Variants in LRP1B observed in about 807,000 individuals in gnomAD.
LRP1B encodes low-density lipoprotein receptor-related protein 1B.
LRP1B carries 217 observed loss-of-function variants against 556.6 expected under a neutral mutation model. That is an observed-to-expected ratio of 0.39 (90% CI 0.35 to 0.44). The LOEUF (loss-of-function observed/expected upper bound fraction) is 0.44, where lower values mean the gene tolerates loss of function less well. LRP1B is among the 20% of genes least tolerant of loss of function. The probability of loss-of-function intolerance (pLI) is 1.00; values close to 1 mark genes in which losing one functional copy is unlikely to be tolerated. For synonymous variants in LRP1B, 2,047 were observed against 1,865.8 expected (o/e 1.10, Z -2.50); for missense variants, 5,053 against 5,620.8 (o/e 0.90, Z 3.23).
intron 6 of LRP1B, among the ~76,000 whole-genome samples, chr2:141,203,146 A>G (rs1262582416): frequency 2.6e-5 from 4 of 152,192 alleles, no homozygotes; most frequent in African/African-American, 4.8e-5. Flanking sequence ...GAGGAAAACA[A>G]CTAGATAGCA....
intron 2 of LRP1B, among the ~76,000 whole-genome samples, chr2:141,614,792 A>C (rs1336614287): frequency 6.6e-6 from 1 of 152,240 alleles, no homozygotes; most frequent in Non-Finnish European, 1.5e-5. Flanking sequence ...TCAGACTTCC[A>C]ACCTCCAGAA....
intron 3 of LRP1B, among the ~76,000 whole-genome samples, chr2:141,302,053 A>C (rs531194304): frequency 2.0e-5 from 3 of 152,238 alleles, no homozygotes; most frequent in Non-Finnish European, 2.9e-5. Context: ...AAAACAAACA[A>C]GTAAGCCACA....
Position 141,822,130 on chromosome 2 carries a change from CAG to C in LRP1B, c.83-11731_83-11730del, listed in dbSNP as rs1553469382. 6.2e-3 allele frequency among the ~76,000 whole-genome samples: 592 copies of C among 95,856 alleles called. 5 individuals are homozygous for C. The highest frequency in any genetic ancestry group is 0.021 in the African/African-American group (460 of 22,414). 62.9% of individuals were successfully genotyped at this position (95,856 alleles called of 152,430 possible). A position where few individuals can be genotyped will look rare whatever the true frequency, so the allele number is the denominator to read the frequency against. On this transcript the variant is annotated intron_variant, in intron 1 of 90. Transcript: ENST00000389484. ...ACACACACACACACACACACACACA[CAG>C]AGAGAGAGAGAGAGAGAGAGAGAGA...
At chr2:140,468,791 T>G (rs1047534642) in intron 60 of LRP1B, among the ~76,000 whole-genome samples, 1 of 152,374 alleles carries the variant, frequency 6.6e-6, no homozygotes, top group Admixed American at 6.5e-5. Flanking sequence ...TCTTGGAGCC[T>G]TAAGATTTAA....
intron 3 of LRP1B, among the ~76,000 whole-genome samples, chr2:141,259,217 C>T (rs1053127795): frequency 6.6e-6 from 1 of 152,150 alleles, no homozygotes; most frequent in Non-Finnish European, 1.5e-5. Flanking sequence ...ACTGAAATTT[C>T]TTTCACCACT....
chr2:141,080,219 C>T (rs1699890250), intron 7 of LRP1B, among the ~76,000 whole-genome samples: 1 of 152,088 alleles, frequency 6.6e-6, no homozygotes, highest in African/African-American at 2.4e-5. Flanking sequence ...TAGGTTTATC[C>T]CTCTCTGGCA....
chr2:141,712,836 A>ATTTTTTT (rs1192189235), intron 2 of LRP1B, among the ~76,000 whole-genome samples: 9 of 103,342 alleles, frequency 8.7e-5, no homozygotes, highest in East Asian at 2.9e-4. Context: ...TGCCCAGCTA[A>ATTTTTTT]TTTTTTTTTT....
intron 1 of LRP1B, among the ~76,000 whole-genome samples, chr2:142,035,400 T>TG (rs1347887139): frequency 6.6e-6 from 1 of 151,640 alleles, no homozygotes; most frequent in African/African-American, 2.4e-5. Context: ...TACAGGTGCC[T>TG]GGGCCCTAAT....
chr2:141,196,992 T>A lies in LRP1B; in HGVS notation c.851-8409A>T, dbSNP rs968230387. ...TCATGAGATCTGATGGATTTATAAATGGGAGTTCCCCTGCACAAACCTCTT... is the reference window on the plus strand; with the variant it reads ...TCATGAGATCTGATGGATTTATAAAAGGGAGTTCCCCTGCACAAACCTCTT... On this transcript the variant is annotated intron_variant, in intron 6 of 90. Coordinates refer to ENST00000389484, the MANE Select transcript of LRP1B (RefSeq NM_018557.3). 4.6e-5 allele frequency among the ~76,000 whole-genome samples: 7 copies of A among 152,122 alleles called. No homozygotes were observed. In the East Asian group the frequency reaches 1.2e-3, roughly 25 times the overall value.
intron 1 of LRP1B, among the ~76,000 whole-genome samples, chr2:141,996,395 T>C (rs572619978): frequency 4.6e-5 from 3 of 65,254 alleles, no homozygotes; most frequent in Non-Finnish European, 8.9e-5. Context: ...CCTAATATCA[T>C]TGAACCTCTA....
intron 7 of LRP1B, among the ~76,000 whole-genome samples, chr2:141,128,334 G>A (rs1701266668): frequency 6.6e-6 from 1 of 152,188 alleles, no homozygotes; most frequent in Non-Finnish European, 1.5e-5. Flanking sequence ...ACTACAGATA[G>A]TTCGAGACAC....
chr2:140,696,807 C>T (rs1686444467), intron 41 of LRP1B, among the ~76,000 whole-genome samples: 1 of 152,174 alleles, frequency 6.6e-6, no homozygotes. Flanking sequence ...AAACCATCCC[C>T]TGCCTTCGTC....
chr2:141,845,217 T>TAATATCACAAAA (rs1697605745), intron 1 of LRP1B, among the ~76,000 whole-genome samples: 1 of 151,844 alleles, frequency 6.6e-6, no homozygotes, highest in Non-Finnish European at 1.5e-5. Flanking sequence ...TTTATCAAAG[T>TAATATCACAAAA]AATATCACAG....
chr2:140,371,082 C>T (rs1300883593), intron 70 of LRP1B, 97 bp downstream of exon 70: 1 of 895,672 alleles, frequency 1.1e-6, no homozygotes, highest in Non-Finnish European at 1.7e-6. Context: ...TTAAACCATG[C>T]TAAGAATCAA....
chr2:141,452,945 G>T (rs1247452469), intron 3 of LRP1B, among the ~76,000 whole-genome samples: 1 of 152,072 alleles, frequency 6.6e-6, no homozygotes, highest in Non-Finnish European at 1.5e-5. Context: ...ATTCAAAATA[G>T]CACAATGTGG....
chr2:141,084,004 C>T (rs927422652), intron 7 of LRP1B, among the ~76,000 whole-genome samples: 1 of 152,134 alleles, frequency 6.6e-6, no homozygotes, highest in African/African-American at 2.4e-5. Flanking sequence ...AGTTACTTAA[C>T]CTTTCTGTGG....
intron 58 of LRP1B, among the ~76,000 whole-genome samples, chr2:140,485,846 TACACACACACACACACAC>T (rs10696198): frequency 7.0e-6 from 1 of 142,264 alleles, no homozygotes; most frequent in Admixed American, 7.2e-5. Context: ...CTCACGCACA[TACACACACACACACACAC>T]ACACACACAC....
intron 7 of LRP1B, among the ~76,000 whole-genome samples, chr2:141,145,899 GTTTTTC>G (rs1016095420): frequency 1.7e-3 from 229 of 137,464 alleles, no homozygotes; most frequent in Non-Finnish European, 3.1e-3. Context: ...GTTATTTCAC[GTTTTTC>G]TTTTCTTTCT....
intron 2 of LRP1B, among the ~76,000 whole-genome samples, chr2:141,798,937 A>G (rs983829520): frequency 1.3e-4 from 19 of 151,842 alleles, no homozygotes; most frequent in African/African-American, 4.4e-4. Flanking sequence ...AGATGAGACT[A>G]GGACACAGAT....
Sources: allele counts gnomAD v4.1 joint callset (sites outside exome capture counted in the v4.1 genomes callset), GRCh38; gene constraint gnomAD v4.1.1; transcripts MANE v1.5; gene names NCBI Gene and HGNC (gene_info 2026-07-23, HGNC 2026-07-21).